The following NBPF26 variants were observed in gnomAD, a reference collection of about 807,000 sequenced individuals.
NBPF26 encodes the protein NBPF member 26, also known as NBPF family member NBPF26.
In NBPF26, 79 loss-of-function variants were observed where a neutral mutation model predicts 119.6. That is an observed-to-expected ratio of 0.66 (90% CI 0.55 to 0.80). The LOEUF is 0.80. NBPF26 is among the 30% of genes least tolerant of loss of function. The pLI, the probability that NBPF26 is intolerant of heterozygous loss-of-function variation, is 0.00. For synonymous variants in NBPF26, 299 were observed against 457.7 expected, an observed-to-expected ratio of 0.65 and a Z score of 4.43; for missense variants, 800 against 1,198.2, an observed-to-expected ratio of 0.67 and a Z score of 4.91.
At chr1:120,733,276 A>G (rs1650883944) in intron 1 of NBPF26, among the ~76,000 whole-genome samples, 1 of 84,600 alleles carries the variant, frequency 1.2e-5, no homozygotes, top group Non-Finnish European at 2.1e-5. Flanking sequence ...CTCTCTCATT[A>G]CAGTGATATT....
chr1:120,822,934 A>G lies in NBPF26; in HGVS notation c.2588-375A>G, dbSNP rs1194283832. ...CCTTTCATCAAATCTCTGTGTCCACAATCTCATAAACTATCAAATTCTGGG... is the reference window on the plus strand; with the variant it reads ...CCTTTCATCAAATCTCTGTGTCCACGATCTCATAAACTATCAAATTCTGGG... On this transcript the variant is annotated intron_variant, in intron 16 of 29. Coordinates refer to ENST00000620612, the Ensembl canonical transcript of NBPF26. 3.8e-4 allele frequency among the ~76,000 whole-genome samples: 48 copies of G among 125,732 alleles called. 12 individuals are homozygous for G. Among genetic ancestry groups the G allele is most frequent in the African/African-American group, 1.8e-3 (47 of 26,176 alleles). 82.5% of individuals were successfully genotyped at this position (125,732 alleles called of 152,430 possible).
chr1:120,728,692 A>G (rs1650842275), intron 1 of NBPF26, among the ~76,000 whole-genome samples: 1 of 117,722 alleles, frequency 8.5e-6, no homozygotes, highest in Non-Finnish European at 1.6e-5. Flanking sequence ...TATTTTTAAA[A>G]TTAGAGTTAA....
chr1:120,818,490 C>G (rs1652059025), intron 15 of NBPF26, among the ~76,000 whole-genome samples: 2 of 124,500 alleles, frequency 1.6e-5, no homozygotes, highest in South Asian at 2.4e-4. Flanking sequence ...TCCTTTAGTT[C>G]TGCTCTGATC....
chr1:120,822,960 T>C (rs1372908101), intron 16 of NBPF26, among the ~76,000 whole-genome samples: 2 of 126,300 alleles, frequency 1.6e-5, no homozygotes, highest in African/African-American at 7.5e-5. Context: ...AAATTCTGGG[T>C]ATTTAATGAG....
At position 120,764,266 on chromosome 1, in the gene NBPF26, A is replaced by T. The variant is rs1242337346; in HGVS notation, c.155+557A>T. ...CGTCTCAAAAAGAAATAAAAAAAAT[A>T]TATAAAAAAATATATATTAGATTCC... On this transcript the variant is annotated intron_variant, in intron 2 of 29. Transcript: ENST00000620612. Among the ~76,000 whole-genome samples the T allele has an allele frequency of 1.9e-5, 2 of 103,474 alleles. 1 individual carries two copies. The highest frequency in any genetic ancestry group is 1.3e-4 in the African/African-American group (2 of 15,162). The allele number at this position is 103,474 out of a possible 152,430, so 67.9% of individuals were successfully genotyped here.
rs1230724032 is a variant in NBPF26, at chr1:120,784,980, A to T, written c.162A>T (p.Pro54=). Reference sequence around the variant, plus strand: ...TCTTCTCTTTTCCATACAGATGTCCAGAAGGCTTCTTGGGGGAATATTGTC... The same window carrying T: ...TCTTCTCTTTTCCATACAGATGTCCTGAAGGCTTCTTGGGGGAATATTGTC... Residue 54 remains proline, a synonymous_variant, in exon 3 of 30, where the codon CCA becomes CCT. Coordinates refer to ENST00000620612, the Ensembl canonical transcript of NBPF26. The T allele has an allele frequency of 2.8e-6, 4 of 1,414,694 alleles. 1 individual carries two copies. The East Asian group carries it at 9.4e-5, about 33-fold the overall frequency. 87.6% of individuals were successfully genotyped at this position (1,414,694 alleles called of 1,614,324 possible).
At position 120,805,921 on chromosome 1, in the gene NBPF26, A is replaced by G. The variant is rs1258625510; in HGVS notation, c.961+156A>G. Among the ~76,000 whole-genome samples the G allele has an allele frequency of 2.6e-5, 3 of 115,482 alleles. 1 individual carries two copies. Among genetic ancestry groups the G allele is most frequent in the African/African-American group, 1.4e-4 (3 of 21,406 alleles). 75.8% of individuals were successfully genotyped at this position (115,482 alleles called of 152,430 possible). Reference sequence around the variant, plus strand: ...TTTAACATTTTGTTAAAGTTGGAAGACAGAGGTACCAAAATATTTAGCAAC... The same window carrying G: ...TTTAACATTTTGTTAAAGTTGGAAGGCAGAGGTACCAAAATATTTAGCAAC... On this transcript the variant is annotated intron_variant, in intron 5 of 29. Coordinates refer to ENST00000620612, the Ensembl canonical transcript of NBPF26.
intron 1 of NBPF26, among the ~76,000 whole-genome samples, chr1:120,752,655 C>T (rs1651038192): frequency 2.5e-5 from 1 of 39,318 alleles, no homozygotes; most frequent in Admixed American, 2.8e-4. Flanking sequence ...ATTGCAAGCT[C>T]CGCCTCCCGG....
intron 1 of NBPF26, among the ~76,000 whole-genome samples, chr1:120,724,618 G>A (rs1650796159): frequency 8.3e-6 from 1 of 119,918 alleles, no homozygotes; most frequent in African/African-American, 4.3e-5. Context: ...AGCCGACGGC[G>A]GGCCTCGGAG....
chr1:120,840,205 A>G (rs1402950328), intron 29 of NBPF26, 145 bp from the exon 36 acceptor site: 2 of 1,172,866 alleles, frequency 1.7e-6, no homozygotes, highest in Non-Finnish European at 2.3e-6. Flanking sequence ...CCCAACATAA[A>G]GGCAATAAAT....
rs1158136141 is a variant in NBPF26, at chr1:120,764,726, A to T, written c.155+1017A>T. On this transcript the variant is annotated intron_variant, in intron 2 of 29. Transcript: ENST00000620612. ...AATTTTTTTTCTTCTGCCTCAATTG[A>T]AAATTTTTAAGAGGAATATGTATCC... 2.8e-4 allele frequency among the ~76,000 whole-genome samples: 33 copies of T among 116,580 alleles called. 2 individuals carry two copies. In the East Asian group the frequency reaches 5.7e-3, roughly 20 times the overall value. The allele number at this position is 116,580 out of a possible 152,430, so 76.5% of individuals were successfully genotyped here. A position where few individuals can be genotyped will look rare whatever the true frequency, so the allele number is the denominator to read the frequency against.
chr1:120,815,418 G>T lies in NBPF26; in HGVS notation c.2092+375G>T, dbSNP rs1557990321. 3.6e-5 allele frequency among the ~76,000 whole-genome samples: 4 copies of T among 112,384 alleles called. 1 individual carries two copies. The highest frequency in any genetic ancestry group is 5.2e-4 in the South Asian group (2 of 3,850). 73.7% of individuals were successfully genotyped at this position (112,384 alleles called of 152,430 possible). On this transcript the variant is annotated intron_variant, in intron 12 of 29. Coordinates refer to ENST00000620612, the Ensembl canonical transcript of NBPF26. The stretch of plus-strand genomic sequence containing the variant: ...ATGTTCTTAGTAACTGTCAGAGAGT[G>T]AATGACTTGTCCTTCCTGAGTTTCT...
At chr1:120,756,637 A>G (rs1651083443) in intron 1 of NBPF26, among the ~76,000 whole-genome samples, 1 of 118,366 alleles carries the variant, frequency 8.4e-6, no homozygotes, top group Non-Finnish European at 1.6e-5. Context: ...CTCAGATTAC[A>G]CTGGCTGAAG....
At position 120,747,578 on chromosome 1, in the gene NBPF26, AT is replaced by A. The variant is rs1313919802; in HGVS notation, c.74-16048del. Among the ~76,000 whole-genome samples the A allele has an allele frequency of 7.3e-5, 2 of 27,406 alleles. 1 individual carries two copies. Among genetic ancestry groups the A allele is most frequent in the Admixed American group, 6.3e-4 (2 of 3,158 alleles). 18.0% of individuals were successfully genotyped at this position (27,406 alleles called of 152,430 possible). A position where few individuals can be genotyped will look rare whatever the true frequency, so the allele number is the denominator to read the frequency against. On this transcript the variant is annotated intron_variant, in intron 1 of 29. Transcript: ENST00000620612. ...TCCTCAAGTAAATACATATTTATAC[AT>A]TATATAAATGTCTGGCTATTAAACC...
intron 6 of NBPF26, 127 bp downstream of exon 6, chr1:120,807,836 G>T: frequency 1.9e-6 from 1 of 531,486 alleles, no homozygotes. Flanking sequence ...TGGCAGGCTC[G>T]CTACACACAA....
At chr1:120,818,224 T>C (rs1156339165) in intron 15 of NBPF26, 50 bp downstream of exon 15, 1 of 463,440 alleles carries the variant, frequency 2.2e-6, no homozygotes, top group Non-Finnish European at 3.7e-6. Flanking sequence ...CATCTGGAGA[T>C]TGTAGATTTA....
intron 3 of NBPF26, among the ~76,000 whole-genome samples, chr1:120,791,420 G>T (rs1300793727): frequency 9.3e-6 from 1 of 107,756 alleles, no homozygotes; most frequent in Non-Finnish European, 1.7e-5. Context: ...ATGATAGACT[G>T]GATTAAGAAA....
At chr1:120,790,252 G>A (rs1477290515) in intron 3 of NBPF26, among the ~76,000 whole-genome samples, 1 of 107,476 alleles carries the variant, frequency 9.3e-6, no homozygotes, top group Non-Finnish European at 1.7e-5. Context: ...CTGACCTCAT[G>A]ATCCACCCGC....
intron 3 of NBPF26, among the ~76,000 whole-genome samples, chr1:120,790,490 T>C (rs1651474947): frequency 1.7e-5 from 2 of 116,380 alleles, no homozygotes; most frequent in Non-Finnish European, 3.3e-5. Context: ...ACATAATATA[T>C]ATGGAAACCA....
Sources: allele counts gnomAD v4.1 joint callset (sites outside exome capture counted in the v4.1 genomes callset), GRCh38; gene constraint gnomAD v4.1.1; transcripts MANE v1.5; gene names NCBI Gene and HGNC (gene_info 2026-07-23, HGNC 2026-07-21).